The following TRAF1 variants were observed in gnomAD, a reference collection of about 807,000 sequenced individuals.
The protein encoded by TRAF1 is TNF receptor associated factor 1.
A neutral mutation model predicts 40.9 loss-of-function variants in TRAF1; 23 were observed. The ratio of observed to expected loss-of-function variants is 0.56; its 90% CI spans 0.40 to 0.80. TRAF1 has a LOEUF of 0.80. Among genes scored for constraint, TRAF1 ranks in the 30% least tolerant of loss-of-function variants. The pLI is 0.00. For missense variants in TRAF1, 477 were observed against 528.7 expected (o/e 0.90, Z 0.96); for synonymous variants, 206 against 218.8 (o/e 0.94, Z 0.52).
chr9:120,911,235 C>T, intron 6 of TRAF1, 101 bp downstream of exon 6: 2 of 1,373,340 alleles, frequency 1.5e-6, no homozygotes, highest in Non-Finnish European at 2.0e-6. Flanking sequence ...AAACTGGACA[C>T]AGCGTGTCTG....
chr9:120,905,687 A>G (rs906943088), intron 7 of TRAF1, among the ~76,000 whole-genome samples: 14 of 152,220 alleles, frequency 9.2e-5, no homozygotes, highest in Admixed American at 3.3e-4. Context: ...GCCAGAACAG[A>G]GAGGTCTTCT....
intron 2 of TRAF1, 97 bp downstream of exon 2, chr9:120,925,839 C>A: frequency 6.5e-7 from 1 of 1,550,318 alleles, no homozygotes; most frequent in Middle Eastern, 2.3e-4. Flanking sequence ...GAAAAGTCAC[C>A]GCCTGAAGTC....
chr9:120,910,635 G>A (rs899340508), intron 6 of TRAF1, among the ~76,000 whole-genome samples: 1 of 152,138 alleles, frequency 6.6e-6, no homozygotes, highest in Non-Finnish European at 1.5e-5. Flanking sequence ...GGCCTCAAAT[G>A]ATCCTCTTGC....
intron 3 of TRAF1, among the ~76,000 whole-genome samples, chr9:120,921,571 A>C (rs894235914): frequency 9.9e-5 from 15 of 152,062 alleles, no homozygotes; most frequent in African/African-American, 3.6e-4. Flanking sequence ...CACAGAGTTG[A>C]GGGTCTGCTT....
chr9:120,914,150 A>G (rs2046552125), intron 4 of TRAF1, 85 bp downstream of exon 4: 63 of 1,211,402 alleles, frequency 5.2e-5, no homozygotes, highest in Non-Finnish European at 6.9e-5. Context: ...ATGTTACGGG[A>G]AAATCATGGA....
At chr9:120,915,988 A>G (rs1225799739) in intron 3 of TRAF1, among the ~76,000 whole-genome samples, 2 of 152,256 alleles carry the variant, frequency 1.3e-5, no homozygotes, top group Non-Finnish European at 2.9e-5. Context: ...CCTAAGAGAA[A>G]GTAAAACATA....
intron 7 of TRAF1, among the ~76,000 whole-genome samples, chr9:120,905,775 G>A (rs1234171663): frequency 3.3e-5 from 5 of 152,212 alleles, no homozygotes; most frequent in African/African-American, 1.2e-4. Context: ...GTTCCCCTGA[G>A]AAGCCGATTG....
intron 7 of TRAF1, among the ~76,000 whole-genome samples, chr9:120,907,758 G>C (rs548515065): frequency 4.6e-5 from 7 of 152,306 alleles, no homozygotes; most frequent in African/African-American, 1.7e-4. Flanking sequence ...CCTCCTCCCA[G>C]AAGTTTTCCT....
At chr9:120,906,815 C>T (rs115266989) in intron 7 of TRAF1, among the ~76,000 whole-genome samples, 28 of 152,286 alleles carry the variant, frequency 1.8e-4, no homozygotes, top group Middle Eastern at 3.4e-3. Flanking sequence ...TCATCTCTCC[C>T]GGCACCTACT....
intron 3 of TRAF1, among the ~76,000 whole-genome samples, chr9:120,920,037 C>T (rs1048116676): frequency 6.6e-6 from 1 of 152,200 alleles, no homozygotes; most frequent in South Asian, 2.1e-4. Context: ...CAGGATGTCA[C>T]AGGATCGGGG....
chr9:120,914,600 C>T (rs370577999), intron 3 of TRAF1: 20 of 1,056,130 alleles, frequency 1.9e-5, no homozygotes, highest in African/African-American at 6.7e-5. Context: ...CCCGACTGGT[C>T]GGGGGGGCTC....
chr9:120,914,634 C>T (rs2131626851), intron 3 of TRAF1: 5 of 1,007,762 alleles, frequency 5.0e-6, no homozygotes, highest in Non-Finnish European at 6.0e-6. Context: ...GCTGTGTTCC[C>T]AGTGCTGAGG....
rs2046454605 is a variant in TRAF1 at position 120,903,422 on chromosome 9, G to A, written c.*1598C>T. The A allele has an allele frequency of 6.6e-6, 1 of 152,358 alleles. No homozygotes were observed. Among genetic ancestry groups the A allele is most frequent in the Non-Finnish European group, 1.5e-5 (1 of 68,148 alleles). The allele number at this position is 152,358 out of a possible 1,614,324, so 9.4% of individuals were successfully genotyped here. A position where few individuals can be genotyped will look rare whatever the true frequency, so the allele number is the denominator to read the frequency against. On this transcript the variant is annotated 3_prime_UTR_variant, in exon 8 of 8. Transcript: ENST00000373887. ...AGCTGGCCTGGGTTTCTGACCCATT[G>A]AGACTGCCGTGCCACGATGCTCCGT... is the stretch of plus-strand genomic sequence containing the variant.
Position 120,923,782 on chromosome 9 carries a change from C to A in TRAF1, c.151G>T (p.Asp51Tyr), listed in dbSNP as rs997340554. 1 of 1,614,116 alleles carries A rather than the reference C, an allele frequency of 6.2e-7. No homozygotes were observed. Among genetic ancestry groups the A allele is most frequent in the Non-Finnish European group, 8.5e-7 (1 of 1,179,990 alleles). The change falls in exon 3 of 8, where the codon GAT becomes TAT. Residue 51 changes from aspartate (D) to tyrosine (Y), a missense_variant. Coordinates refer to ENST00000373887, the MANE Select transcript of TRAF1 (RefSeq NM_005658.5). ...CLSENPRNGE[D>Y]QICPKCRGED... ...CCTCTGCATTTGGGGCAGATCTGAT[C>A]CTCGCCATTCCTGGGGAAACATGGA... is the stretch of plus-strand genomic sequence containing the variant.
At chr9:120,911,575 G>A (rs2046527753) in intron 5 of TRAF1, 62 bp from the exon 6 acceptor site, 11 of 1,564,494 alleles carry the variant, frequency 7.0e-6, no homozygotes, top group Non-Finnish European at 9.6e-6. Context: ...GATGGGAATG[G>A]CGGGATGTGG....
intron 6 of TRAF1, among the ~76,000 whole-genome samples, chr9:120,910,890 T>C (rs1165767999): frequency 6.6e-6 from 1 of 152,200 alleles, no homozygotes; most frequent in Non-Finnish European, 1.5e-5. Flanking sequence ...GCATGTGTCT[T>C]ACTCAGTTCT....
At chr9:120,923,655 G>A in intron 3 of TRAF1, 50 bp downstream of exon 3, 1 of 1,600,474 alleles carries the variant, frequency 6.2e-7, no homozygotes, top group Non-Finnish European at 8.6e-7. Flanking sequence ...GCTTCAACCT[G>A]GAAAAATCAA....
upstream of TRAF1, chr9:120,928,118 G>A (rs1471720391): frequency 6.6e-6 from 1 of 152,208 alleles, no homozygotes; most frequent in Non-Finnish European, 1.5e-5. Flanking sequence ...TGTGAAGCAG[G>A]TATTGCCATC....
chr9:120,911,765 A>G (rs1210100043), intron 5 of TRAF1, among the ~76,000 whole-genome samples: 1 of 152,052 alleles, frequency 6.6e-6, no homozygotes, highest in Non-Finnish European at 1.5e-5. Context: ...CTCTTTCAAT[A>G]TGTTCTTACA....
Sources: gnomAD v4.1 joint callset for allele counts (sites outside exome capture counted in the v4.1 genomes callset) on GRCh38, gnomAD v4.1.1 for gene constraint, MANE v1.5 for transcripts, NCBI Gene and HGNC (gene_info 2026-07-23, HGNC 2026-07-21) for gene names.